CCDC30: variants seen among roughly 807,000 people sequenced by gnomAD.
The protein encoded by CCDC30 is coiled-coil domain-containing protein 30.
CCDC30 carries 70 observed loss-of-function variants against 100.2 expected under a neutral mutation model. The observed-to-expected ratio is 0.70, with a 90% CI of 0.58 to 0.85. The LOEUF is 0.85. Ranked by LOEUF, CCDC30 falls within the 40% of genes least tolerant of loss-of-function variation. The probability of loss-of-function intolerance (pLI) is 0.00; values close to 1 mark genes in which losing one functional copy is unlikely to be tolerated. For synonymous variants in CCDC30, 233 were observed against 269.5 expected, an observed-to-expected ratio of 0.86 and a Z score of 1.33; for missense variants, 652 against 771.2, an observed-to-expected ratio of 0.85 and a Z score of 1.83.
intron 7 of CCDC30, among the ~76,000 whole-genome samples, chr1:42,567,985 C>A (rs890183623): frequency 3.3e-5 from 5 of 151,874 alleles, no homozygotes; most frequent in Non-Finnish European, 7.4e-5. Context: ...ATTTTAATCT[C>A]CATGGTGAGA....
intron 6 of CCDC30, chr1:42,510,001 G>A: frequency 7.5e-6 from 7 of 930,972 alleles, no homozygotes; most frequent in Non-Finnish European, 9.0e-6. Flanking sequence ...CAGTTTGGAG[G>A]AACATTATAA....
intron 6 of CCDC30, among the ~76,000 whole-genome samples, chr1:42,557,667 ATAT>A (rs1372665780): frequency 2.7e-5 from 4 of 147,622 alleles, no homozygotes; most frequent in Non-Finnish European, 6.0e-5. Context: ...TATATTAAAT[ATAT>A]TAAATAAAAT....
At chr1:42,456,547 G>A in the CCDC30 span, 1 of 1,449,824 alleles carries the variant, frequency 6.9e-7, no homozygotes, top group Non-Finnish European at 9.1e-7. Flanking sequence ...GTGCGCAGGC[G>A]CCGGCCGCTG....
chr1:42,473,325 T>C, intron 1 of CCDC30: 1 of 1,178,386 alleles, frequency 8.5e-7, no homozygotes. Flanking sequence ...TAGCATAGAA[T>C]TTTAAAGACA....
At chr1:42,458,901 GC>G (rs1176613062), upstream of CCDC30, among the ~76,000 whole-genome samples, 1 of 152,206 alleles carries the variant, frequency 6.6e-6, no homozygotes, top group Non-Finnish European at 1.5e-5. Flanking sequence ...TTCTACCAAT[GC>G]AAGAAATATT....
rs114675658 is a variant in CCDC30, at chr1:42,504,919, A to G, written c.456+6003A>G. Among the ~76,000 whole-genome samples the G allele has an allele frequency of 7.9e-3, 1,201 of 152,324 alleles. 21 individuals are homozygous for G. The highest frequency in any genetic ancestry group is 0.027 in the African/African-American group (1,123 of 41,568). ...TGTGACATATTACCAAACCCAATAAAAAGTCCTGGTGGACTCAGCAATAGT... is the reference window on the plus strand; with the variant it reads ...TGTGACATATTACCAAACCCAATAAGAAGTCCTGGTGGACTCAGCAATAGT... On this transcript the variant is annotated intron_variant, in intron 6 of 16. Transcript: ENST00000668663.
At chr1:42,459,562 G>C (rs199797322), upstream of CCDC30, 19 of 1,530,398 alleles carry the variant, frequency 1.2e-5, no homozygotes, top group African/African-American at 2.5e-4. Context: ...GGTAGGTAAT[G>C]ACCATTGTTT....
At chr1:42,570,156 A>G (rs545152909) in intron 7 of CCDC30, among the ~76,000 whole-genome samples, 3 of 152,038 alleles carry the variant, frequency 2.0e-5, no homozygotes, top group African/African-American at 7.2e-5. Flanking sequence ...TTATTTAAAA[A>G]TTTAAAAATA....
chr1:42,537,569 A>G (rs1464435363), intron 6 of CCDC30: 1 of 330,046 alleles, frequency 3.0e-6, no homozygotes, highest in Non-Finnish European at 5.9e-6. Flanking sequence ...AGTAAATTTT[A>G]TGTAACCTAT....
At chr1:42,542,845 GC>G (rs1338568422) in intron 6 of CCDC30, 1 of 151,044 alleles carries the variant, frequency 6.6e-6, no homozygotes, top group African/African-American at 2.4e-5. Flanking sequence ...GAGCCACCGC[GC>G]CCGGCCTAAA....
chr1:42,464,738 C>A (rs990526256), intron 1 of CCDC30, among the ~76,000 whole-genome samples: 2 of 152,196 alleles, frequency 1.3e-5, no homozygotes, highest in Non-Finnish European at 2.9e-5. Flanking sequence ...CTTACTATTT[C>A]TTCTTCAGTA....
chr1:42,525,704 G>A (rs1235156544), intron 6 of CCDC30, among the ~76,000 whole-genome samples: 1 of 152,180 alleles, frequency 6.6e-6, no homozygotes, highest in Non-Finnish European at 1.5e-5. Flanking sequence ...TTCACAGTAG[G>A]TTAAGTTACT....
chr1:42,527,874 T>A (rs2148510696), intron 6 of CCDC30, among the ~76,000 whole-genome samples: 1 of 152,216 alleles, frequency 6.6e-6, no homozygotes, highest in South Asian at 2.1e-4. Flanking sequence ...TTTCTTTTTT[T>A]ATTTTTTTGA....
At chr1:42,502,273 G>A (rs577952018) in intron 6 of CCDC30, among the ~76,000 whole-genome samples, 10 of 152,066 alleles carry the variant, frequency 6.6e-5, no homozygotes, top group African/African-American at 1.4e-4. Flanking sequence ...GGGACCCTCC[G>A]AGCCATGCGT....
At chr1:42,613,669 T>C (rs1646670143) in intron 11 of CCDC30, among the ~76,000 whole-genome samples, 1 of 152,178 alleles carries the variant, frequency 6.6e-6, no homozygotes, top group African/African-American at 2.4e-5. Context: ...TAAACTGTCA[T>C]GGCGCTGATG....
chr1:42,600,563 T>G (rs1646383934), intron 10 of CCDC30, among the ~76,000 whole-genome samples: 1 of 152,090 alleles, frequency 6.6e-6, no homozygotes, highest in African/African-American at 2.4e-5. Flanking sequence ...AAACACAAAT[T>G]AACAAACATG....
chr1:42,581,661 T>C lies in CCDC30; in HGVS notation c.1001+147T>C. 5 of 654,814 alleles carry C rather than the reference T, an allele frequency of 7.6e-6. No homozygotes were observed. The South Asian group carries it at 8.9e-5, about 12-fold the overall frequency. The allele number at this position is 654,814 out of a possible 1,614,324, so 40.6% of individuals were successfully genotyped here. A position where few individuals can be genotyped will look rare whatever the true frequency, so the allele number is the denominator to read the frequency against. Reference sequence around the variant, plus strand: ...TCAGCCACACACAATTCCTGATGTATTGCACTTACCACACTGTATTCTAAT... The same window carrying C: ...TCAGCCACACACAATTCCTGATGTACTGCACTTACCACACTGTATTCTAAT... On this transcript the variant is annotated intron_variant, in intron 9 of 16. Coordinates refer to ENST00000668663, the Ensembl canonical transcript of CCDC30.
At chr1:42,565,445 G>A (rs11210671) in intron 6 of CCDC30, among the ~76,000 whole-genome samples, 37,169 of 152,066 alleles carry the variant, frequency 0.24, 4,989 homozygotes, top group South Asian at 0.42. Flanking sequence ...AATGTTCAGC[G>A]TCGTGAATTA....
intron 3 of CCDC30, among the ~76,000 whole-genome samples, chr1:42,485,975 G>A (rs1644044078): frequency 6.6e-6 from 1 of 152,150 alleles, no homozygotes. Context: ...TGCTAAAAAA[G>A]ACAGACAGTG....
Sources: gnomAD v4.1 joint callset for allele counts (sites outside exome capture counted in the v4.1 genomes callset) on GRCh38, gnomAD v4.1.1 for gene constraint, MANE v1.5 for transcripts, NCBI Gene and HGNC (gene_info 2026-07-23, HGNC 2026-07-21) for gene names.